Variants in GLB1 observed in about 807,000 individuals in gnomAD.
GLB1 encodes the protein beta-galactosidase.
GLB1 carries 56 observed loss-of-function variants against 74.0 expected under a neutral mutation model. That is an observed-to-expected ratio of 0.76 (90% CI 0.61 to 0.94). The LOEUF (loss-of-function observed/expected upper bound fraction) is 0.94. Ranked by LOEUF, GLB1 falls within the 40% of genes least tolerant of loss-of-function variation. GLB1 has a pLI of 0.00. For missense variants in GLB1, 787 were observed against 845.5 expected (o/e 0.93, Z 0.86); for synonymous variants, 323 against 323.6 (o/e 1.00, Z 0.02).
chr3:32,982,652 C>T, the GLB1 span, among the ~76,000 whole-genome samples: 1 of 152,080 alleles, frequency 6.6e-6, no homozygotes, highest in Non-Finnish European at 1.5e-5. Context: ...GTCCAATAAC[C>T]ATTTTTACTG....
intron 4 of GLB1, among the ~76,000 whole-genome samples, chr3:33,066,786 A>G (rs1255535980): frequency 6.6e-6 from 1 of 152,212 alleles, no homozygotes; most frequent in African/African-American, 2.4e-5. Context: ...ATAAATGTAC[A>G]TGCCACATAA....
intron 1 of GLB1, chr3:33,096,328 C>G (rs559856818): frequency 2.1e-6 from 2 of 945,376 alleles, no homozygotes; most frequent in Non-Finnish European, 2.5e-6. Flanking sequence ...TGTGCACGCC[C>G]CGCACCTCAC....
At position 33,051,971 on chromosome 3, in the gene GLB1, G is replaced by A; in HGVS notation, c.826C>T (p.His276Tyr). ...ATTGTGGAGTGAGGTTGGCCCCAGT[G>A]ATCTAGCCAGCCAGTATAGAATTCA... Reference protein sequence around the residue: ...NSEFYTGWLDHWGQPHSTIKT... With the variant: ...NSEFYTGWLDYWGQPHSTIKT... The change falls in exon 8 of 16, where the codon CAC (histidine) becomes TAC (tyrosine). Residue 276 changes from histidine to tyrosine, a missense_variant. By Grantham distance (83) the His-to-Tyr change is moderately conservative. Transcript: ENST00000307363. 1 of 1,614,204 alleles carries A rather than the reference G, an allele frequency of 6.2e-7. No homozygotes were observed. Among genetic ancestry groups the A allele is most frequent in the African/African-American group, 1.3e-5 (1 of 75,052 alleles).
intron 15 of GLB1, among the ~76,000 whole-genome samples, chr3:33,009,562 A>G (rs1696937796): frequency 6.6e-6 from 1 of 152,222 alleles, no homozygotes. Flanking sequence ...GTTGGTAGGC[A>G]TGAGAGTTTG....
At chr3:32,976,881 A>G in the GLB1 span, among the ~76,000 whole-genome samples, 1 of 152,178 alleles carries the variant, frequency 6.6e-6, no homozygotes, top group Non-Finnish European at 1.5e-5. Flanking sequence ...TCTTTTACAC[A>G]CTGGGATATT....
rs138467996 is a variant in GLB1, at chr3:33,060,566, G to T, written c.553-2297C>A. On this transcript the variant is annotated intron_variant, in intron 5 of 15. Coordinates refer to ENST00000307363, the MANE Select transcript of GLB1 (RefSeq NM_000404.4). ...CAGCCTCTGTACCTCATGTTCTCTT[G>T]AGCTCACCCCCATGCCCAAACCCAA... Among the ~76,000 whole-genome samples the T allele has an allele frequency of 2.6e-4, 39 of 152,206 alleles. No individual in the cohort carries two copies. The East Asian group carries it at 3.5e-3, about 14-fold the overall frequency.
At chr3:32,993,123 C>A (rs1029747734), downstream of GLB1, among the ~76,000 whole-genome samples, 1 of 152,142 alleles carries the variant, frequency 6.6e-6, no homozygotes, top group South Asian at 2.1e-4. Flanking sequence ...ATAAAGACCA[C>A]ATGAGATCAT....
At chr3:33,044,765 T>C (rs2125511913) in intron 10 of GLB1, among the ~76,000 whole-genome samples, 1 of 152,242 alleles carries the variant, frequency 6.6e-6, no homozygotes, top group East Asian at 1.9e-4. Flanking sequence ...AAAAAAACCA[T>C]ACCATTTATA....
At chr3:32,964,306 C>A in the GLB1 span, among the ~76,000 whole-genome samples, 1 of 152,142 alleles carries the variant, frequency 6.6e-6, no homozygotes, top group Non-Finnish European at 1.5e-5. Flanking sequence ...TCACATGGAG[C>A]ATTGTGTGGT....
intron 10 of GLB1, among the ~76,000 whole-genome samples, chr3:33,035,288 C>A (rs1335335767): frequency 6.6e-6 from 1 of 151,990 alleles, no homozygotes; most frequent in Non-Finnish European, 1.5e-5. Context: ...AAAAATTAGA[C>A]AGGTGTGGTG....
At chr3:33,025,893 G>C (rs1697726912) in intron 10 of GLB1, among the ~76,000 whole-genome samples, 1 of 152,210 alleles carries the variant, frequency 6.6e-6, no homozygotes, top group African/African-American at 2.4e-5. Flanking sequence ...TGTTGACCCT[G>C]GCCCCGCGTC....
chr3:32,991,866 C>A (rs1164095531), downstream of GLB1, among the ~76,000 whole-genome samples: 1 of 152,216 alleles, frequency 6.6e-6, no homozygotes, highest in Non-Finnish European at 1.5e-5. Flanking sequence ...GCTGGGCTGT[C>A]CAAATTCCTG....
chr3:33,036,473 G>C (rs1162672902), intron 10 of GLB1, among the ~76,000 whole-genome samples: 2 of 152,070 alleles, frequency 1.3e-5, no homozygotes, highest in Non-Finnish European at 2.9e-5. Context: ...ATTTCAGAAA[G>C]AAAATAATTC....
At chr3:33,043,304 G>C (rs1282013773) in intron 10 of GLB1, among the ~76,000 whole-genome samples, 1 of 152,174 alleles carries the variant, frequency 6.6e-6, no homozygotes, top group South Asian at 2.1e-4. Context: ...ACTAGAGAGG[G>C]ACATTAGAGG....
chr3:33,050,478 G>A (rs894567337), intron 9 of GLB1, among the ~76,000 whole-genome samples: 1 of 152,214 alleles, frequency 6.6e-6, no homozygotes, highest in Non-Finnish European at 1.5e-5. Context: ...TGAAGCACTA[G>A]TACGTGCAAC....
At chr3:32,961,376 G>A in the GLB1 span, among the ~76,000 whole-genome samples, 1 of 152,198 alleles carries the variant, frequency 6.6e-6, no homozygotes, top group Non-Finnish European at 1.5e-5. Context: ...AGGGACAGAC[G>A]TCAGCAACAC....
intron 15 of GLB1, among the ~76,000 whole-genome samples, chr3:33,005,415 G>C (rs1696745099): frequency 6.6e-6 from 1 of 152,084 alleles, no homozygotes; most frequent in Admixed American, 6.5e-5. Context: ...TCCTCTCCAA[G>C]GCCCAACTGC....
intron 12 of GLB1, 50 bp downstream of exon 12, chr3:33,021,516 C>T (rs1298518633): frequency 6.3e-7 from 1 of 1,589,226 alleles, no homozygotes; most frequent in South Asian, 1.1e-5. Context: ...GTGCAGAAAG[C>T]ACACTTTTGC....
At position 33,093,600 on chromosome 3, in the gene GLB1, T is replaced by C; in HGVS notation, c.75+3411A>G. On this transcript the variant is annotated intron_variant, in intron 1 of 15. Transcript: ENST00000307363. The surrounding 1 kb of genome is among the most constrained non-coding windows in gnomAD (Gnocchi z 6.0). ...GAGGTTGTTCATTGAGGCAGGCAGC[T>C]GATGGATGGGCACCTCCACAGTTTT... The C allele has an allele frequency of 6.2e-7, 1 of 1,614,158 alleles. No homozygotes were observed. The highest frequency in any genetic ancestry group is 8.5e-7 in the Non-Finnish European group (1 of 1,180,002).
Sources: allele counts gnomAD v4.1 joint callset (sites outside exome capture counted in the v4.1 genomes callset), GRCh38; gene constraint gnomAD v4.1.1; non-coding constraint Gnocchi (gnomAD v3.1); transcripts MANE v1.5; gene names NCBI Gene and HGNC (gene_info 2026-07-23, HGNC 2026-07-21).